CALML4: variants seen among roughly 807,000 people sequenced by gnomAD.
The protein encoded by CALML4 is calmodulin-like protein 4.
CALML4 carries 16 observed loss-of-function variants against 17.9 expected under a neutral mutation model. That is an observed-to-expected ratio of 0.89 (90% CI 0.61 to 1.36). The LOEUF is 1.36. CALML4 is among the 40% of genes most tolerant of loss of function. The pLI is 0.00. For synonymous variants in CALML4, 86 were observed against 71.5 expected (o/e 1.20, Z -1.02); for missense variants, 203 against 194.8 (o/e 1.04, Z -0.25).
Position 68,197,151 on chromosome 15 carries a change from G to A in CALML4, c.364+289C>T, listed in dbSNP as rs911541678. Among the ~76,000 whole-genome samples, 1 of 152,052 alleles carries A rather than the reference G, an allele frequency of 6.6e-6. No individual in the cohort carries two copies. The highest frequency in any genetic ancestry group is 1.5e-5 in the Non-Finnish European group (1 of 67,996). ...CCCACAGTGAGAGCTTGAACACAGG[G>A]GGAGACCAGACTGCACGCTCCAGCT... On this transcript the variant is annotated intron_variant, in intron 4 of 4. Transcript: ENST00000467889. The surrounding 1 kb of genome is among the most constrained non-coding windows in gnomAD (Gnocchi z 4.1).
At chr15:68,196,797 C>A (rs1406564175) in intron 4 of CALML4, among the ~76,000 whole-genome samples, 1 of 152,168 alleles carries the variant, frequency 6.6e-6, no homozygotes, top group Admixed American at 6.5e-5. Context: ...CAGGAAGGTG[C>A]AAAGCAAAGA....
chr15:68,190,851 A>G lies in CALML4; in HGVS notation c.*3164T>C, dbSNP rs2093116405. 6.6e-6 allele frequency: 1 copy of G among 152,212 alleles called. No homozygotes were observed. The highest frequency in any genetic ancestry group is 1.5e-5 in the Non-Finnish European group (1 of 68,026). 9.4% of individuals were successfully genotyped at this position (152,212 alleles called of 1,614,324 possible). A position where few individuals can be genotyped will look rare whatever the true frequency, so the allele number is the denominator to read the frequency against. On this transcript the variant is annotated 3_prime_UTR_variant, in exon 5 of 5. Transcript: ENST00000467889. This position sits in a 1 kb window ranked among gnomAD's most constrained non-coding sequence, Gnocchi z 4.7. ...TACTAATTATTTAGACATGATCACA[A>G]TTCTGTATCTTTACTGAGGAAAGAT... is the stretch of plus-strand genomic sequence containing the variant.
chr15:68,194,649 G>C (rs2093135356), intron 4 of CALML4, among the ~76,000 whole-genome samples: 1 of 152,122 alleles, frequency 6.6e-6, no homozygotes, highest in South Asian at 2.1e-4. Context: ...CTCCCAAAGT[G>C]CTGGGATTAC....
At position 68,191,517 on chromosome 15, in the gene CALML4, A is replaced by G. The variant is rs1432981187; in HGVS notation, c.*2498T>C. 3 of 152,668 alleles carry G rather than the reference A, an allele frequency of 2.0e-5. No individual in the cohort carries two copies. Among genetic ancestry groups the G allele is most frequent in the African/African-American group, 7.2e-5 (3 of 41,446 alleles). The allele number at this position is 152,668 out of a possible 1,614,324, so 9.5% of individuals were successfully genotyped here. The stretch of plus-strand genomic sequence containing the variant: ...GATGTTCAAGGGGACAATCCCTATG[A>G]GACAAGTGATAATGGTTTGTGCTTC... On this transcript the variant is annotated 3_prime_UTR_variant, in exon 5 of 5. Transcript: ENST00000467889.
Position 68,204,074 on chromosome 15 carries a change from A to T in CALML4, c.34+1047T>A, listed in dbSNP as rs139605997. Among the ~76,000 whole-genome samples, 90 of 152,258 alleles carry T rather than the reference A, an allele frequency of 5.9e-4. No homozygotes were observed. Among genetic ancestry groups the T allele is most frequent in the African/African-American group, 2.1e-3 (86 of 41,564 alleles). On this transcript the variant is annotated intron_variant, in intron 2 of 4. Transcript: ENST00000467889. This position sits in a 1 kb window ranked among gnomAD's most constrained non-coding sequence, Gnocchi z 6.0. ...ACTGCCCCGGGCCCTGTGTTTTAAA[A>T]GTCCCTGCTCCTGCCCTGGCCCTCC...
intron 4 of CALML4, among the ~76,000 whole-genome samples, chr15:68,194,817 G>A (rs1795908364): frequency 6.6e-6 from 1 of 151,968 alleles, no homozygotes; most frequent in Admixed American, 6.6e-5. Flanking sequence ...CACAGTCCCA[G>A]GCTTCGGCCT....
chr15:68,193,881 C>T lies in CALML4; in HGVS notation c.*134G>A. 2 of 623,250 alleles carry T rather than the reference C, an allele frequency of 3.2e-6. No homozygotes were observed. Among genetic ancestry groups the T allele is most frequent in the Non-Finnish European group, 2.9e-6 (1 of 344,886 alleles). The allele number at this position is 623,250 out of a possible 1,614,324, so 38.6% of individuals were successfully genotyped here. ...ATCATCTATTATTGTTGCTAGTTAG[C>T]CTCTCTTCTATAGTTGGGTAATGTT... On this transcript the variant is annotated 3_prime_UTR_variant, in exon 5 of 5. Transcript: ENST00000467889.
chr15:68,205,539 C>T, upstream of CALML4: 1 of 817,624 alleles, frequency 1.2e-6, no homozygotes, highest in East Asian at 2.7e-5. The surrounding 1 kb of genome is among the most constrained non-coding windows in gnomAD (Gnocchi z 4.8). Context: ...GGACAAATGC[C>T]AGTGTTTCTT....
rs749515077 is a variant in CALML4, at chr15:68,199,560, G to A, written c.156C>T (p.His52=). ...ACTCACCTATCCCGTGGGTCTGCAG[G>A]TGCCGCTGCACCTCCCCTGGCGTCG... ...ASPTPGEVQR[H]LQTHGIDGNG... is the part of the protein sequence containing the mutation. Residue 52 remains histidine (H), a synonymous_variant, in exon 3 of 5, where the codon CAC becomes CAT. Coordinates refer to ENST00000467889, the MANE Select transcript of CALML4 (RefSeq NM_033429.3). 4 of 1,613,478 alleles carry A rather than the reference G, an allele frequency of 2.5e-6. No homozygotes were observed. Among genetic ancestry groups the A allele is most frequent in the Non-Finnish European group, 3.4e-6 (4 of 1,179,878 alleles).
At chr15:68,198,706 G>A (rs555824593) in intron 3 of CALML4, 11 of 152,190 alleles carry the variant, frequency 7.2e-5, no homozygotes, top group African/African-American at 2.6e-4. Flanking sequence ...CATCTTGGAT[G>A]GGTTTTCTTT....
intron 3 of CALML4, among the ~76,000 whole-genome samples, chr15:68,198,912 A>G (rs1017055129): frequency 1.3e-5 from 2 of 152,210 alleles, no homozygotes; most frequent in Non-Finnish European, 2.9e-5. Flanking sequence ...CTCTAACCCC[A>G]GCACTTTGGG....
In CALML4 at chr15:68,196,611, G is replaced by GAGCTGGCT. The variant is rs555228636; in HGVS notation, c.364+821_364+828dup. Among the ~76,000 whole-genome samples the GAGCTGGCT allele has an allele frequency of 1.8e-3, 279 of 152,308 alleles. 1 individual carries two copies. The highest frequency in any genetic ancestry group is 6.4e-3 in the African/African-American group (264 of 41,556). The stretch of plus-strand genomic sequence containing the variant: ...GGGTCCCTGGCCTCGGGCAGAGGCA[G>GAGCTGGCT]AGCTGGCTGGCTGGCTGCTGCGAAC... On this transcript the variant is annotated intron_variant, in intron 4 of 4. Coordinates refer to ENST00000467889, the MANE Select transcript of CALML4 (RefSeq NM_033429.3).
chr15:68,205,519 C>T (rs555862644), upstream of CALML4: 16 of 997,600 alleles, frequency 1.6e-5, no homozygotes, highest in African/African-American at 2.3e-4. The surrounding 1 kb of genome is among the most constrained non-coding windows in gnomAD (Gnocchi z 4.8). Flanking sequence ...CTCCAGAAGC[C>T]GAAGCAAAGG....
In CALML4 at chr15:68,197,163, T is replaced by C. The variant is rs1239036456; in HGVS notation, c.364+277A>G. 2.0e-5 allele frequency among the ~76,000 whole-genome samples: 3 copies of C among 152,200 alleles called. No homozygotes were observed. In the East Asian group the frequency reaches 5.8e-4, roughly 30 times the overall value. ...GCTTGAACACAGGGGGAGACCAGACTGCACGCTCCAGCTGCCCTGCCTTGT... is the reference window on the plus strand; with the variant it reads ...GCTTGAACACAGGGGGAGACCAGACCGCACGCTCCAGCTGCCCTGCCTTGT... On this transcript the variant is annotated intron_variant, in intron 4 of 4. Transcript: ENST00000467889. This position sits in a 1 kb window ranked among gnomAD's most constrained non-coding sequence, Gnocchi z 4.1.
Position 68,197,289 on chromosome 15 carries a change from C to T in CALML4, c.364+151G>A. 4.3e-6 allele frequency: 3 copies of T among 692,080 alleles called. No homozygotes were observed. The highest frequency in any genetic ancestry group is 7.2e-6 in the Non-Finnish European group (3 of 418,352). The allele number at this position is 692,080 out of a possible 1,614,324, so 42.9% of individuals were successfully genotyped here. On this transcript the variant is annotated intron_variant, in intron 4 of 4. Transcript: ENST00000467889. The surrounding 1 kb of genome is among the most constrained non-coding windows in gnomAD (Gnocchi z 4.1). ...TTCTTCCCCAGGCTCCAGTCCAGCA[C>T]CCACCTAGTGTGGCATCTGCTCACA... is the stretch of plus-strand genomic sequence containing the variant.
At position 68,193,671 on chromosome 15, in the gene CALML4, T is replaced by TG. The variant is rs969029666; in HGVS notation, c.*343dup. On this transcript the variant is annotated 3_prime_UTR_variant, in exon 5 of 5. Transcript: ENST00000467889. Reference sequence around the variant, plus strand: ...GTAAGAAGTGGGAATCCAGCTTGTGTGGGGGGGCTTTGAGGAGTGAAATGA... The same window carrying TG: ...GTAAGAAGTGGGAATCCAGCTTGTGTGGGGGGGGCTTTGAGGAGTGAAATGA... The TG allele has an allele frequency of 2.4e-4, 55 of 225,578 alleles. No individual in the cohort carries two copies. In the East Asian group the frequency reaches 2.8e-3, roughly 12 times the overall value. 14.0% of individuals were successfully genotyped at this position (225,578 alleles called of 1,614,324 possible).
Position 68,199,689 on chromosome 15 carries a change from C to T in CALML4, c.35-8G>A, listed in dbSNP as rs200874036. 372 of 1,612,076 alleles carry T rather than the reference C, an allele frequency of 2.3e-4. No homozygotes were observed. The African/African-American group carries it at 4.4e-3, about 19-fold the overall frequency. Reference sequence around the variant, plus strand: ...AGAAGCATTCCTTGTACTCTGCACACGGCCCAGAGGGAGGGTCAGCAGCGT... The same window carrying T: ...AGAAGCATTCCTTGTACTCTGCACATGGCCCAGAGGGAGGGTCAGCAGCGT... On this transcript the variant is annotated splice_polypyrimidine_tract_variant and splice_region_variant and intron_variant, in intron 2 of 4. Transcript: ENST00000467889.
upstream of CALML4, chr15:68,205,637 C>T: frequency 2.0e-6 from 1 of 491,510 alleles, no homozygotes; most frequent in East Asian, 3.9e-5. This position sits in a 1 kb window ranked among gnomAD's most constrained non-coding sequence, Gnocchi z 4.8. Context: ...TAGAGTTGGA[C>T]ACTTTACACC....
chr15:68,193,799 T>G lies in CALML4; in HGVS notation c.*216A>C. On this transcript the variant is annotated 3_prime_UTR_variant, in exon 5 of 5. Coordinates refer to ENST00000467889, the MANE Select transcript of CALML4 (RefSeq NM_033429.3). Reference sequence around the variant, plus strand: ...ATGCTTGAAAGGGCCGGACTCACGGTAGTTAATAAAATCAATACAAATCTT... The same window carrying G: ...ATGCTTGAAAGGGCCGGACTCACGGGAGTTAATAAAATCAATACAAATCTT... The G allele has an allele frequency of 5.9e-6, 3 of 505,406 alleles. No individual in the cohort carries two copies. Among genetic ancestry groups the G allele is most frequent in the Non-Finnish European group, 1.1e-5 (3 of 282,758 alleles). 31.3% of individuals were successfully genotyped at this position (505,406 alleles called of 1,614,324 possible). A position where few individuals can be genotyped will look rare whatever the true frequency, so the allele number is the denominator to read the frequency against.
Sources: allele counts gnomAD v4.1 joint callset (sites outside exome capture counted in the v4.1 genomes callset), GRCh38; gene constraint gnomAD v4.1.1; non-coding constraint Gnocchi (gnomAD v3.1); transcripts MANE v1.5; gene names NCBI Gene and HGNC (gene_info 2026-07-23, HGNC 2026-07-21).